Variants in ACBD6 observed in about 807,000 individuals in gnomAD.
ACBD6 encodes the protein acyl-CoA binding domain containing 6, also known as acyl-CoA-binding domain-containing protein 6.
Under a neutral mutation model 37.2 loss-of-function variants are expected in ACBD6, and 28 were observed. That is an observed-to-expected ratio of 0.75 (90% CI 0.56 to 1.03). The LOEUF is 1.03. ACBD6 is among the 50% of genes least tolerant of loss of function. ACBD6 has a pLI of 0.00. For missense variants in ACBD6, 340 were observed against 337.4 expected (o/e 1.01, Z -0.06); for synonymous variants, 113 against 126.8 (o/e 0.89, Z 0.73).
At chr1:180,404,764 G>A (rs1034601607) in intron 5 of ACBD6, among the ~76,000 whole-genome samples, 1 of 152,078 alleles carries the variant, frequency 6.6e-6, no homozygotes, top group African/African-American at 2.4e-5. Context: ...GGCCTCATGT[G>A]AGCATATTTA....
At chr1:180,405,762 C>T (rs1647598118) in intron 5 of ACBD6, among the ~76,000 whole-genome samples, 1 of 151,934 alleles carries the variant, frequency 6.6e-6, no homozygotes, top group South Asian at 2.1e-4. Flanking sequence ...AAATACTCTC[C>T]CCATACTTTA....
rs537065580 is a variant in ACBD6 at position 180,427,445 on chromosome 1, T to C, written c.467+2735A>G. Among the ~76,000 whole-genome samples, 163 of 152,336 alleles carry C rather than the reference T, an allele frequency of 1.1e-3. 2 individuals carry two copies. Among genetic ancestry groups the C allele is most frequent in the Non-Finnish European group, 2.1e-3 (146 of 68,034 alleles). On this transcript the variant is annotated intron_variant, in intron 4 of 7. Coordinates refer to ENST00000367595, the MANE Select transcript of ACBD6 (RefSeq NM_032360.4). ...GCCAAGAAATTGCAATTAATATCAA[T>C]TAAAGCACAACTTTCTCTTAGAAAA...
Position 180,465,099 on chromosome 1 carries a change from T to C in ACBD6, c.384+27170A>G, listed in dbSNP as rs547625963. ...AAACCCTGGAAGACAACCTCGGCAA[T>C]GCCATCCTGGACACAGCAAAGATTT... On this transcript the variant is annotated intron_variant, in intron 3 of 7. Transcript: ENST00000367595. Among the ~76,000 whole-genome samples the C allele has an allele frequency of 6.6e-5, 10 of 152,048 alleles. No individual in the cohort carries two copies. The South Asian group carries it at 1.9e-3, about 28-fold the overall frequency.
At chr1:180,456,527 C>T (rs1012127597) in intron 3 of ACBD6, among the ~76,000 whole-genome samples, 3 of 152,074 alleles carry the variant, frequency 2.0e-5, no homozygotes, top group Non-Finnish European at 4.4e-5. Flanking sequence ...TCAAGGAATT[C>T]CACCCTAAGA....
intron 3 of ACBD6, among the ~76,000 whole-genome samples, chr1:180,469,108 T>G (rs1216180703): frequency 2.0e-5 from 3 of 152,214 alleles, no homozygotes; most frequent in African/African-American, 4.8e-5. Context: ...AGATACACAT[T>G]GAGAAATTCA....
At chr1:180,498,418 T>C (rs1651817988) in intron 1 of ACBD6, among the ~76,000 whole-genome samples, 1 of 152,248 alleles carries the variant, frequency 6.6e-6, no homozygotes, top group Non-Finnish European at 1.5e-5. Context: ...TGGAAAAGAA[T>C]ATAGTTCATT....
At chr1:180,457,619 T>A (rs1649974194) in intron 3 of ACBD6, among the ~76,000 whole-genome samples, 1 of 152,018 alleles carries the variant, frequency 6.6e-6, no homozygotes, top group African/African-American at 2.4e-5. Context: ...ATTACAACCA[T>A]TTAAGGAGAG....
chr1:180,412,538 T>A (rs755888484), intron 5 of ACBD6, among the ~76,000 whole-genome samples: 3 of 152,178 alleles, frequency 2.0e-5, no homozygotes, highest in Non-Finnish European at 2.9e-5. Context: ...TAAAACTCAG[T>A]ATGTGAATGG....
chr1:180,500,694 C>CAAA (rs370791531), intron 1 of ACBD6, among the ~76,000 whole-genome samples: 2 of 94,946 alleles, frequency 2.1e-5, no homozygotes, highest in Non-Finnish European at 2.3e-5. Context: ...AACTCCATCT[C>CAAA]AAAAAAAAAA....
rs76230870 is a variant in ACBD6, at chr1:180,364,246, G to C, written c.663+33270C>G. Among the ~76,000 whole-genome samples, 835 of 152,270 alleles carry C rather than the reference G, an allele frequency of 5.5e-3. 7 individuals are homozygous for C. Among genetic ancestry groups the C allele is most frequent in the African/African-American group, 0.019 (790 of 41,552 alleles). ...TTACAAATAAGCTACACTTTAAGAG[G>C]AACAGTAAAGGCAGACACCTTGCCT... is the stretch of plus-strand genomic sequence containing the variant. On this transcript the variant is annotated intron_variant, in intron 6 of 7. Transcript: ENST00000367595.
chr1:180,274,408 G>A (rs943688151), intron 10 of ACBD6: 16 of 1,614,044 alleles, frequency 9.9e-6, no homozygotes, highest in Non-Finnish European at 1.2e-5. Context: ...ATTACACGGT[G>A]GACAGTAATT....
At chr1:180,358,358 C>T (rs936552401) in intron 6 of ACBD6, among the ~76,000 whole-genome samples, 2 of 151,906 alleles carry the variant, frequency 1.3e-5, no homozygotes, top group Non-Finnish European at 2.9e-5. Context: ...ACCCAGGAGG[C>T]GGGGGTTGCG....
At chr1:180,393,111 C>T (rs1002288298) in intron 6 of ACBD6, among the ~76,000 whole-genome samples, 1 of 152,086 alleles carries the variant, frequency 6.6e-6, no homozygotes, top group African/African-American at 2.4e-5. Flanking sequence ...TGCGCACGCC[C>T]GTAAGCCATA....
chr1:180,406,041 A>G (rs901242808), intron 5 of ACBD6, among the ~76,000 whole-genome samples: 2 of 152,176 alleles, frequency 1.3e-5, no homozygotes, highest in Non-Finnish European at 2.9e-5. Context: ...ATATGACACC[A>G]TGGTGTTACA....
chr1:180,413,113 T>C (rs1647928431), intron 5 of ACBD6, among the ~76,000 whole-genome samples: 2 of 152,216 alleles, frequency 1.3e-5, no homozygotes, highest in South Asian at 4.1e-4. Context: ...TCTCTCCCTT[T>C]AGCATAAACA....
At chr1:180,501,663 T>C (rs1192006713) in intron 1 of ACBD6, among the ~76,000 whole-genome samples, 2 of 152,206 alleles carry the variant, frequency 1.3e-5, no homozygotes, top group African/African-American at 2.4e-5. Context: ...GATCTCTATA[T>C]AGTTTTATTA....
At chr1:180,466,293 T>G (rs1650345910) in intron 3 of ACBD6, among the ~76,000 whole-genome samples, 1 of 152,178 alleles carries the variant, frequency 6.6e-6, no homozygotes, top group South Asian at 2.1e-4. Context: ...TTATATTCAG[T>G]GTTAAAGCAA....
At chr1:180,480,172 G>T (rs1389905055) in intron 3 of ACBD6, among the ~76,000 whole-genome samples, 1 of 152,066 alleles carries the variant, frequency 6.6e-6, no homozygotes. Flanking sequence ...CTTTTAAATG[G>T]GATAAACATG....
intron 5 of ACBD6, among the ~76,000 whole-genome samples, chr1:180,406,934 G>A (rs762288680): frequency 6.6e-6 from 1 of 152,146 alleles, no homozygotes; most frequent in Non-Finnish European, 1.5e-5. Context: ...AGGGTTAAAA[G>A]TATTTAACTA....
Sources: allele counts gnomAD v4.1 joint callset (sites outside exome capture counted in the v4.1 genomes callset), GRCh38; gene constraint gnomAD v4.1.1; transcripts MANE v1.5; gene names NCBI Gene and HGNC (gene_info 2026-07-23, HGNC 2026-07-21).